Variants in COL23A1 observed in about 807,000 individuals in gnomAD.
COL23A1 encodes the protein collagen alpha-1(XXIII) chain.
In COL23A1, 97 loss-of-function variants were observed where a neutral mutation model predicts 99.3. The ratio of observed to expected loss-of-function variants is 0.98; its 90% CI spans 0.83 to 1.16. The LOEUF is 1.16. COL23A1 is among the 50% of genes most tolerant of loss of function. The pLI is 0.00. For missense variants in COL23A1, 762 were observed against 757.4 expected, an observed-to-expected ratio of 1.01 and a Z score of -0.07; for synonymous variants, 320 against 308.2, an observed-to-expected ratio of 1.04 and a Z score of -0.40.
intron 2 of COL23A1, among the ~76,000 whole-genome samples, chr5:178,440,703 C>T (rs958255264): frequency 6.1e-5 from 9 of 148,114 alleles, no homozygotes; most frequent in African/African-American, 2.0e-4. Flanking sequence ...GTAACCTCTG[C>T]CTCCCAGGTT....
intron 2 of COL23A1, among the ~76,000 whole-genome samples, chr5:178,379,198 A>C (rs1554151031): frequency 2.6e-5 from 4 of 152,012 alleles, no homozygotes; most frequent in African/African-American, 4.8e-5. Context: ...ATTAAAAAAA[A>C]CAAACAAACC....
intron 2 of COL23A1, among the ~76,000 whole-genome samples, chr5:178,353,743 C>T (rs547220406): frequency 5.2e-4 from 79 of 152,214 alleles, no homozygotes; most frequent in Non-Finnish European, 9.9e-4. Context: ...TGGGAATCAG[C>T]GCTGTATCAT....
intron 2 of COL23A1, among the ~76,000 whole-genome samples, chr5:178,346,053 G>C (rs1159984210): frequency 6.6e-6 from 1 of 151,752 alleles, no homozygotes; most frequent in Non-Finnish European, 1.5e-5. Flanking sequence ...ACTTGTATTA[G>C]ATATCTATAA....
At chr5:178,273,478 C>T (rs1157118940) in intron 5 of COL23A1, among the ~76,000 whole-genome samples, 2 of 152,238 alleles carry the variant, frequency 1.3e-5, no homozygotes, top group Admixed American at 1.3e-4. Flanking sequence ...GATCAGAGAG[C>T]TCTGGGAGTT....
intron 2 of COL23A1, among the ~76,000 whole-genome samples, chr5:178,354,548 G>T (rs1034276259): frequency 6.6e-6 from 1 of 152,110 alleles, no homozygotes; most frequent in East Asian, 1.9e-4. Context: ...TCTGGGTGCT[G>T]TTCTCATGAC....
At chr5:178,239,276 G>C in intron 27 of COL23A1, 97 bp from the exon 28 acceptor site, 1 of 1,419,036 alleles carries the variant, frequency 7.0e-7, no homozygotes, top group South Asian at 1.2e-5. Context: ...GTGCAGGCCA[G>C]GGAGCGGCCA....
rs1385958349 is a variant in COL23A1, at chr5:178,523,245, GAGAGA to G, written c.361+37432_361+37436del. ...AGAGAGACAGAGGGAGAGACAGAGAGAGAGAGAGAGACAGAGAGAGAGAGAGAGAG... is the reference window on the plus strand; with the variant it reads ...AGAGAGACAGAGGGAGAGACAGAGAGGAGAGACAGAGAGAGAGAGAGAGAG... On this transcript the variant is annotated intron_variant, in intron 2 of 28. Transcript: ENST00000390654. Among the ~76,000 whole-genome samples the G allele has an allele frequency of 9.1e-4, 86 of 94,320 alleles. 1 individual carries two copies. The highest frequency in any genetic ancestry group is 6.3e-3 in the Admixed American group (43 of 6,774). 61.9% of individuals were successfully genotyped at this position (94,320 alleles called of 152,430 possible). A position where few individuals can be genotyped will look rare whatever the true frequency, so the allele number is the denominator to read the frequency against.
At chr5:178,322,502 C>T (rs922134317) in intron 2 of COL23A1, among the ~76,000 whole-genome samples, 16 of 152,148 alleles carry the variant, frequency 1.1e-4, no homozygotes, top group Non-Finnish European at 2.2e-4. Flanking sequence ...GGCCATTTCC[C>T]AAAGGGGAAA....
At chr5:178,511,113 GTTC>G (rs1443803948) in intron 2 of COL23A1, among the ~76,000 whole-genome samples, 1 of 152,120 alleles carries the variant, frequency 6.6e-6, no homozygotes, top group African/African-American at 2.4e-5. Context: ...TGAATTTCCT[GTTC>G]TTGTTTTTTT....
At chr5:178,499,240 A>G (rs1758394464) in intron 2 of COL23A1, among the ~76,000 whole-genome samples, 1 of 152,212 alleles carries the variant, frequency 6.6e-6, no homozygotes, top group African/African-American at 2.4e-5. Flanking sequence ...AAACGCGCCT[A>G]TGAAACCGGA....
chr5:178,299,438 T>C (rs1307400777), intron 3 of COL23A1, among the ~76,000 whole-genome samples: 4 of 152,212 alleles, frequency 2.6e-5, no homozygotes, highest in Non-Finnish European at 5.9e-5. Flanking sequence ...AGGCATACAA[T>C]TGTTACTAGT....
At chr5:178,459,879 T>G (rs1218453181) in intron 2 of COL23A1, among the ~76,000 whole-genome samples, 1 of 152,110 alleles carries the variant, frequency 6.6e-6, no homozygotes, top group Non-Finnish European at 1.5e-5. Context: ...GCTACAAAAC[T>G]AATAGAGAGT....
chr5:178,577,655 A>G lies in COL23A1; in HGVS notation c.294+12249T>C, dbSNP rs150359965. 9.0e-3 allele frequency among the ~76,000 whole-genome samples: 1,369 copies of G among 152,274 alleles called. 18 individuals carry two copies. The highest frequency in any genetic ancestry group is 0.012 in the Non-Finnish European group (806 of 68,010). On this transcript the variant is annotated intron_variant, in intron 1 of 28. Coordinates refer to ENST00000390654, the MANE Select transcript of COL23A1 (RefSeq NM_173465.4). ...GGGTCTCTGTACCAGCCCAGACCAG[A>G]GCGAGTGTCAAGGGGGCTCCTCTGG...
intron 1 of COL23A1, among the ~76,000 whole-genome samples, chr5:178,585,157 C>T (rs1315187051): frequency 1.3e-5 from 2 of 152,142 alleles, no homozygotes; most frequent in Non-Finnish European, 2.9e-5. Context: ...AAATGTGGTC[C>T]TTGGGAAACA....
chr5:178,556,000 C>T (rs993837331), intron 2 of COL23A1, among the ~76,000 whole-genome samples: 15 of 152,204 alleles, frequency 9.9e-5, no homozygotes, highest in East Asian at 3.9e-4. Context: ...GAACAAAGCA[C>T]GAGGAAGTCA....
intron 2 of COL23A1, among the ~76,000 whole-genome samples, chr5:178,386,422 G>A (rs1276504853): frequency 6.8e-6 from 1 of 147,286 alleles, no homozygotes; most frequent in Non-Finnish European, 1.5e-5. Flanking sequence ...TTGGCAGAGA[G>A]AGCGAGACTC....
chr5:178,564,700 G>A (rs1762759554), intron 1 of COL23A1, among the ~76,000 whole-genome samples: 1 of 152,102 alleles, frequency 6.6e-6, no homozygotes, highest in Admixed American at 6.5e-5. Flanking sequence ...GGGAAATCCT[G>A]GTTTTTAGAA....
Position 178,326,414 on chromosome 5 carries a change from T to TTA in COL23A1, c.362-19496_362-19495insTA, listed in dbSNP as rs113275965. On this transcript the variant is annotated intron_variant, in intron 2 of 28. Transcript: ENST00000390654. ...TCAAAGTTTATTTAGAGAGAACATT[T>TTA]AAAAAAAAAAAAAGACCGAACGAGA... 1.3e-4 allele frequency among the ~76,000 whole-genome samples: 19 copies of TTA among 148,556 alleles called. 1 individual carries two copies. In the South Asian group the frequency reaches 3.6e-3, roughly 28 times the overall value.
chr5:178,410,212 A>G (rs2127779423), intron 2 of COL23A1, among the ~76,000 whole-genome samples: 1 of 152,352 alleles, frequency 6.6e-6, no homozygotes. Flanking sequence ...GAGCAAAATG[A>G]GAATAAATTT....
Sources: gnomAD v4.1 joint callset for allele counts (sites outside exome capture counted in the v4.1 genomes callset) on GRCh38, gnomAD v4.1.1 for gene constraint, MANE v1.5 for transcripts, NCBI Gene and HGNC (gene_info 2026-07-23, HGNC 2026-07-21) for gene names.